DDX50: variants seen among roughly 807,000 people sequenced by gnomAD.
DDX50 encodes the protein ATP-dependent RNA helicase DDX50.
Under a neutral mutation model 94.8 loss-of-function variants are expected in DDX50, and 56 were observed. The ratio of observed to expected loss-of-function variants is 0.59; its 90% CI spans 0.48 to 0.74. The LOEUF (loss-of-function observed/expected upper bound fraction) is 0.74, where lower values mean the gene tolerates loss of function less well. DDX50 is among the 30% of genes least tolerant of loss of function. DDX50 has a pLI of 0.00. For missense variants in DDX50, 713 were observed against 881.2 expected, an observed-to-expected ratio of 0.81 and a Z score of 2.42; for synonymous variants, 264 against 295.4, an observed-to-expected ratio of 0.89 and a Z score of 1.09.
rs897575484 is a variant in DDX50 at position 68,910,465 on chromosome 10, C to A, written c.460+83C>A. On this transcript the variant is annotated intron_variant, in intron 3 of 14. Coordinates refer to ENST00000373585, the MANE Select transcript of DDX50 (RefSeq NM_024045.2). ...TTGCCCAGGCTGGAGTGCAGTGGGG[C>A]AGTCTTGGCTCACTGCAACCTCCGC... is the stretch of plus-strand genomic sequence containing the variant. 3.5e-6 allele frequency: 4 copies of A among 1,147,742 alleles called. No homozygotes were observed. In the African/African-American group the frequency reaches 6.5e-5, roughly 19 times the overall value. 71.1% of individuals were successfully genotyped at this position (1,147,742 alleles called of 1,614,324 possible).
At chr10:68,935,682 A>C (rs1842387394) in intron 10 of DDX50, among the ~76,000 whole-genome samples, 1 of 152,102 alleles carries the variant, frequency 6.6e-6, no homozygotes. Flanking sequence ...TAAAAATACC[A>C]AAATTAGCTG....
chr10:68,916,353 C>CAAAAA (rs11420993), intron 7 of DDX50, among the ~76,000 whole-genome samples: 1 of 123,482 alleles, frequency 8.1e-6, no homozygotes, highest in Non-Finnish European at 1.6e-5. Flanking sequence ...GACTCTGTCT[C>CAAAAA]AAAAAAAAAA....
intron 8 of DDX50, among the ~76,000 whole-genome samples, chr10:68,931,432 A>ACACACACACACACACAC (rs1261998646): frequency 0.062 from 3,782 of 60,616 alleles, 280 homozygotes; most frequent in East Asian, 0.21. Flanking sequence ...TATATACACA[A>ACACACACACACACACAC]ACACACACAC....
chr10:68,922,230 C>T (rs1841958688), intron 8 of DDX50, among the ~76,000 whole-genome samples: 1 of 152,016 alleles, frequency 6.6e-6, no homozygotes, highest in African/African-American at 2.4e-5. Flanking sequence ...GTGTTGCCCA[C>T]ATGGGAGTGC....
rs1056311174 is a variant in DDX50, at chr10:68,937,115, T to C, written c.1755+20T>C. 2 of 1,577,378 alleles carry C rather than the reference T, an allele frequency of 1.3e-6. No homozygotes were observed. The highest frequency in any genetic ancestry group is 1.1e-5 in the South Asian group (1 of 87,224). On this transcript the variant is annotated intron_variant, in intron 12 of 14. Transcript: ENST00000373585. ...GATAAGGTAGAAATCTGTGAGAAAA[T>C]TGTACATGAGTGGGAAAAGGTTAAA... is the stretch of plus-strand genomic sequence containing the variant.
rs1388806502 is a variant in DDX50 at position 68,930,168 on chromosome 10, A to G, written c.1240-4031A>G. 2.9e-4 allele frequency among the ~76,000 whole-genome samples: 35 copies of G among 121,236 alleles called. No individual in the cohort carries two copies. The Admixed American group carries it at 3.9e-3, about 14-fold the overall frequency. The allele number at this position is 121,236 out of a possible 152,430, so 79.5% of individuals were successfully genotyped here. ...GTTTCGCTCTTGTCGCCCAAGCTGG[A>G]GTACGATGATGTGATCCCAGCTCAC... is the stretch of plus-strand genomic sequence containing the variant. On this transcript the variant is annotated intron_variant, in intron 8 of 14. Transcript: ENST00000373585.
In DDX50 at chr10:68,901,403, T is replaced by G; in HGVS notation, c.19T>G (p.Trp7Gly). 1.3e-6 allele frequency: 2 copies of G among 1,565,974 alleles called. No homozygotes were observed. Among genetic ancestry groups the G allele is most frequent in the Non-Finnish European group, 1.7e-6 (2 of 1,156,042 alleles). MPGKLLWGDIMELEAPL... is the reference protein window; with the variant it reads MPGKLLGGDIMELEAPL... ...GCCAGTAATGCCTGGGAAACTCCTC[T>G]GGGGGGACATTATGGAGCTGGAAGC... The change falls in exon 1 of 15, where the codon TGG becomes GGG. Residue 7 changes from tryptophan (W) to glycine (G), a missense_variant. Trp to Gly is a radical substitution (Grantham distance 184). Around this residue, in one of 2 missense-constraint regions of DDX50, gnomAD observed 285 missense variants for 278.9 expected, o/e 1.02. Coordinates refer to ENST00000373585, the MANE Select transcript of DDX50 (RefSeq NM_024045.2).
At chr10:68,907,317 CTTTT>C (rs59316500) in intron 2 of DDX50, among the ~76,000 whole-genome samples, 1 of 130,500 alleles carries the variant, frequency 7.7e-6, no homozygotes, top group Non-Finnish European at 1.6e-5. Context: ...TTTCTTTTTT[CTTTT>C]TTTTTTTTTT....
At chr10:68,918,540 A>G (rs546648913) in intron 7 of DDX50, among the ~76,000 whole-genome samples, 2 of 146,886 alleles carry the variant, frequency 1.4e-5, no homozygotes, top group Admixed American at 1.4e-4. Context: ...GGTTCAAGCA[A>G]TTCTCCTTAC....
chr10:68,913,200 A>C lies in DDX50; in HGVS notation c.678A>C (p.Gln226His). The change falls in exon 5 of 15, where the codon CAA (glutamine) becomes CAC (histidine). Residue 226 changes from glutamine (Q) to histidine (H), a missense_variant. Transcript: ENST00000373585. The part of the protein sequence containing the change: ...VLAPTRELAN[Q>H]VAKDFKDITR... ...CTCCAACAAGGGAACTGGCAAACCAAGTAGCCAAAGACTTCAAAGATATAA... is the reference window on the plus strand; with the variant it reads ...CTCCAACAAGGGAACTGGCAAACCACGTAGCCAAAGACTTCAAAGATATAA... 1 of 1,612,468 alleles carries C rather than the reference A, an allele frequency of 6.2e-7. No individual in the cohort carries two copies. The highest frequency in any genetic ancestry group is 8.5e-7 in the Non-Finnish European group (1 of 1,179,678).
Position 68,913,296 on chromosome 10 carries a change from G to A in DDX50, c.757+17G>A. ...AAAGCCAAAGTGAGTAAATATGTTTGATAGACGTGCAAAGGCATATTTGAT... is the reference window on the plus strand; with the variant it reads ...AAAGCCAAAGTGAGTAAATATGTTTAATAGACGTGCAAAGGCATATTTGAT... On this transcript the variant is annotated intron_variant, in intron 5 of 14. Transcript: ENST00000373585. The A allele has an allele frequency of 1.9e-6, 3 of 1,607,094 alleles. No individual in the cohort carries two copies. Among genetic ancestry groups the A allele is most frequent in the Non-Finnish European group, 2.5e-6 (3 of 1,177,988 alleles).
At chr10:68,943,922 G>C (rs1842606977) in intron 14 of DDX50, among the ~76,000 whole-genome samples, 2 of 152,102 alleles carry the variant, frequency 1.3e-5, no homozygotes, top group Non-Finnish European at 2.9e-5. Context: ...TTTTAGATGA[G>C]GGACTTGTAT....
At chr10:68,929,325 TTC>T (rs1491106132) in intron 8 of DDX50, among the ~76,000 whole-genome samples, 4 of 133,226 alleles carry the variant, frequency 3.0e-5, no homozygotes, top group Non-Finnish European at 5.0e-5. Flanking sequence ...TTCTTTCTCT[TTC>T]TTTCTTTCCT....
chr10:68,943,745 A>G (rs1436699786), intron 14 of DDX50, among the ~76,000 whole-genome samples: 1 of 151,732 alleles, frequency 6.6e-6, no homozygotes, highest in Non-Finnish European at 1.5e-5. Context: ...TGCCTGGCTA[A>G]TTTTTTTAAA....
At chr10:68,913,988 G>T in intron 6 of DDX50, 71 bp from the exon 7 acceptor site, 1 of 1,348,262 alleles carries the variant, frequency 7.4e-7, no homozygotes, top group Non-Finnish European at 9.9e-7. Flanking sequence ...TTGAAGCTTG[G>T]GAGGATTTTT....
intron 8 of DDX50, among the ~76,000 whole-genome samples, chr10:68,931,753 T>C (rs1054733633): frequency 6.6e-6 from 1 of 152,010 alleles, no homozygotes; most frequent in Non-Finnish European, 1.5e-5. Flanking sequence ...ATGATATTTT[T>C]CTGCTTATAA....
intron 8 of DDX50, among the ~76,000 whole-genome samples, chr10:68,926,569 A>G (rs1842095523): frequency 6.6e-6 from 1 of 152,096 alleles, no homozygotes; most frequent in South Asian, 2.1e-4. Flanking sequence ...TTTACTTGTA[A>G]AAAGTCAAGT....
chr10:68,906,863 A>T lies in DDX50; in HGVS notation c.240A>T (p.Arg80Ser). The change falls in exon 2 of 15, where the codon AGA (arginine) becomes AGT (serine). Residue 80 changes from arginine (R) to serine (S), a missense_variant. This residue lies in a region of DDX50 where 285 missense variants were observed against 278.9 expected (regional missense o/e 1.02). Coordinates refer to ENST00000373585, the MANE Select transcript of DDX50 (RefSeq NM_024045.2). ...GAGACACTGAAGAAGGATTTAATAG[A>T]CTTTCAGATGAATTCTCCAAATCTC... ...LNGDTEEGFN[R>S]LSDEFSKSHK... 1 of 1,612,888 alleles carries T rather than the reference A, an allele frequency of 6.2e-7. No individual in the cohort carries two copies.
At chr10:68,908,637 CTTTTTTTT>C (rs1157178909) in intron 2 of DDX50, among the ~76,000 whole-genome samples, 5 of 95,752 alleles carry the variant, frequency 5.2e-5, no homozygotes, top group Non-Finnish European at 6.1e-5. Flanking sequence ...TTAAAATTTC[CTTTTTTTT>C]TTTTTTTTTT....
Sources: gnomAD v4.1 joint callset for allele counts (sites outside exome capture counted in the v4.1 genomes callset) on GRCh38, gnomAD v4.1.1 for gene constraint, gnomAD v4.1.1 regional missense constraint, MANE v1.5 for transcripts, NCBI Gene and HGNC (gene_info 2026-07-23, HGNC 2026-07-21) for gene names.